The following ABI1 variants were observed in gnomAD, a reference collection of about 807,000 sequenced individuals.
ABI1 encodes the protein abl interactor 1, also known as Abelson interactor 1.
In ABI1, 14 loss-of-function variants were observed where a neutral mutation model predicts 54.6. The observed-to-expected ratio is 0.26, with a 90% confidence interval of 0.17 to 0.40. The LOEUF is 0.40. Among genes scored for constraint, ABI1 ranks in the 10% least tolerant of loss-of-function variants. The pLI, the probability that ABI1 is intolerant of heterozygous loss-of-function variation, is 1.00. For missense variants in ABI1, 443 were observed against 598.3 expected, an observed-to-expected ratio of 0.74 and a Z score of 2.71; for synonymous variants, 194 against 209.3, an observed-to-expected ratio of 0.93 and a Z score of 0.63.
intron 2 of ABI1, among the ~76,000 whole-genome samples, chr10:26,783,394 T>C (rs2133039934): frequency 6.6e-6 from 1 of 152,324 alleles, no homozygotes; most frequent in South Asian, 2.1e-4. Context: ...ATTGTAACTA[T>C]ACTTAACACC....
chr10:26,770,484 A>G, intron 4 of ABI1, 139 bp from the exon 5 acceptor site: 1 of 905,870 alleles, frequency 1.1e-6, no homozygotes, highest in Non-Finnish European at 1.8e-6. Context: ...TTGGTACTAC[A>G]GTTTAAAAAG....
At chr10:26,823,784 T>G (rs183912140) in intron 1 of ABI1, among the ~76,000 whole-genome samples, 28 of 152,218 alleles carry the variant, frequency 1.8e-4, no homozygotes, top group South Asian at 4.1e-4. Context: ...AAAACTACTG[T>G]GAATCTTATG....
chr10:26,825,455 G>A (rs2048251411), intron 1 of ABI1, among the ~76,000 whole-genome samples: 1 of 152,176 alleles, frequency 6.6e-6, no homozygotes, highest in South Asian at 2.1e-4. Context: ...GAGGTCAGGA[G>A]TTCGAGATCA....
chr10:26,830,923 G>GAAGAC (rs2048630287), intron 1 of ABI1, among the ~76,000 whole-genome samples: 1 of 151,954 alleles, frequency 6.6e-6, no homozygotes, highest in Admixed American at 6.6e-5. Flanking sequence ...TAAAGACAGT[G>GAAGAC]TCTTTCTCTG....
In ABI1 at chr10:26,748,713, C is replaced by T; in HGVS notation, c.1303G>A (p.Asp435Asn). ...CCCTCCATAAATGACAGCTCATCAT[C>T]CTTGTCTTTTGTATAATCATATATT... Reference protein sequence around the residue: ...VAIYDYTKDKDDELSFMEGAI... With the variant: ...VAIYDYTKDKNDELSFMEGAI... The change falls in exon 11 of 11, where the codon GAT becomes AAT. Residue 435 changes from aspartate to asparagine, a missense_variant. Around this residue, in one of 2 missense-constraint regions of ABI1, gnomAD observed 49 missense variants for 113.5 expected, o/e 0.43. Coordinates refer to ENST00000376140, the MANE Select transcript of ABI1 (RefSeq NM_001012750.3). 1 of 1,612,908 alleles carries T rather than the reference C, an allele frequency of 6.2e-7. No homozygotes were observed. The highest frequency in any genetic ancestry group is 1.1e-5 in the South Asian group (1 of 91,036).
At chr10:26,812,548 G>C (rs181329202) in intron 2 of ABI1, among the ~76,000 whole-genome samples, 408 of 152,260 alleles carry the variant, frequency 2.7e-3, no homozygotes, top group African/African-American at 9.1e-3. Flanking sequence ...AAAAGTGATA[G>C]TGCTAATGAC....
chr10:26,809,268 CAAA>C (rs201796012), intron 2 of ABI1, among the ~76,000 whole-genome samples: 1 of 133,722 alleles, frequency 7.5e-6, no homozygotes, highest in South Asian at 2.4e-4. Context: ...AGACTTATCT[CAAA>C]AAAAAAAAAA....
rs1844082755 is a variant in ABI1 at position 26,795,818 on chromosome 10, C to T, written c.286-18577G>A. ...TAATATTGTTAAAACAGCCATACTA[C>T]CCAAAGCAATATACAGATTTAACCC... On this transcript the variant is annotated intron_variant, in intron 2 of 10. Transcript: ENST00000376140. Among the ~76,000 whole-genome samples, 4 of 152,114 alleles carry T rather than the reference C, an allele frequency of 2.6e-5. No homozygotes were observed. The South Asian group carries it at 8.3e-4, about 32-fold the overall frequency.
chr10:26,793,379 G>T (rs904689275), intron 2 of ABI1, among the ~76,000 whole-genome samples: 1 of 152,100 alleles, frequency 6.6e-6, no homozygotes, highest in African/African-American at 2.4e-5. Flanking sequence ...AATCAACTTC[G>T]AAGTTAACTT....
chr10:26,838,903 C>G (rs139818499), intron 1 of ABI1, among the ~76,000 whole-genome samples: 1 of 152,154 alleles, frequency 6.6e-6, no homozygotes, highest in Non-Finnish European at 1.5e-5. Flanking sequence ...CACACTGCCT[C>G]CATTTATAAT....
rs552529015 is a variant in ABI1 at position 26,747,035 on chromosome 10, A to AAATT, written c.*1531_*1534dup. 420 of 229,526 alleles carry AAATT rather than the reference A, an allele frequency of 1.8e-3. 1 individual carries two copies. The highest frequency in any genetic ancestry group is 9.1e-3 in the African/African-American group (404 of 44,628). 14.2% of individuals were successfully genotyped at this position (229,526 alleles called of 1,614,324 possible). A position where few individuals can be genotyped will look rare whatever the true frequency, so the allele number is the denominator to read the frequency against. ...TCACTAATGATACTTTGTTTGTTTA[A>AAATT]AATTAACAAAGGCAAAATGCATATG... On this transcript the variant is annotated 3_prime_UTR_variant, in exon 11 of 11. Transcript: ENST00000376140.
At chr10:26,768,810 A>G in intron 6 of ABI1, 42 bp downstream of exon 6, 1 of 1,575,508 alleles carries the variant, frequency 6.3e-7, no homozygotes, top group Non-Finnish European at 8.6e-7. Flanking sequence ...AGTCAGTTAC[A>G]CCCACTTTAG....
intron 1 of ABI1, among the ~76,000 whole-genome samples, chr10:26,859,034 C>T (rs2051083846): frequency 6.6e-6 from 1 of 152,122 alleles, no homozygotes; most frequent in Non-Finnish European, 1.5e-5. Flanking sequence ...AATTTCAAGG[C>T]TTTTCATGTT....
chr10:26,841,948 C>T (rs937980298), intron 1 of ABI1, among the ~76,000 whole-genome samples: 2 of 151,886 alleles, frequency 1.3e-5, no homozygotes, highest in Admixed American at 6.6e-5. Context: ...GGTATATGCC[C>T]GATAAGGAAT....
chr10:26,853,577 G>A (rs2050583435), intron 1 of ABI1, among the ~76,000 whole-genome samples: 1 of 147,712 alleles, frequency 6.8e-6, no homozygotes, highest in South Asian at 2.1e-4. Flanking sequence ...TGTCACCCAG[G>A]CTGCCAGGCT....
rs748104171 is a variant in ABI1 at position 26,755,715 on chromosome 10, T to G, written c.1024A>C (p.Met342Leu). ...SISIAPPPPP[M>L]PQLTPQIPLT... ...GGTATCTGTGGAGTCAACTGAGGCA[T>G]AGGGGGAGGGGGTGGAGCAATAGAA... The change falls in exon 9 of 11, where the codon ATG becomes CTG. Residue 342 changes from methionine to leucine, a missense_variant. By Grantham distance (15) the Met-to-Leu change is conservative. This residue lies in a region of ABI1 where 394 missense variants were observed against 484.8 expected (regional missense o/e 0.81). Coordinates refer to ENST00000376140, the MANE Select transcript of ABI1 (RefSeq NM_001012750.3). The G allele has an allele frequency of 8.1e-6, 13 of 1,612,714 alleles. No homozygotes were observed. The highest frequency in any genetic ancestry group is 1.1e-5 in the Non-Finnish European group (13 of 1,179,248).
chr10:26,798,746 T>C (rs1342513567), intron 2 of ABI1, among the ~76,000 whole-genome samples: 3 of 151,858 alleles, frequency 2.0e-5, no homozygotes, highest in East Asian at 1.9e-4. Context: ...AAAGTATAAA[T>C]AGTCCTGGAC....
chr10:26,778,961 T>C (rs887016459), intron 2 of ABI1, among the ~76,000 whole-genome samples: 2 of 152,188 alleles, frequency 1.3e-5, no homozygotes, highest in Non-Finnish European at 2.9e-5. Flanking sequence ...GGCTGTTTTC[T>C]AGCACAAATG....
rs138884729 is a variant in ABI1 at position 26,747,787 on chromosome 10, CAT to C, written c.*781_*782del. The C allele has an allele frequency of 0.018, 3,488 of 195,348 alleles. 91 individuals are homozygous for C. The highest frequency in any genetic ancestry group is 0.069 in the African/African-American group (2,964 of 43,238). The allele number at this position is 195,348 out of a possible 1,614,324, so 12.1% of individuals were successfully genotyped here. A position where few individuals can be genotyped will look rare whatever the true frequency, so the allele number is the denominator to read the frequency against. On this transcript the variant is annotated 3_prime_UTR_variant, in exon 11 of 11. Coordinates refer to ENST00000376140, the MANE Select transcript of ABI1 (RefSeq NM_001012750.3). ...AGGCTAAAATTTTTTTCCAAGTTAA[CAT>C]ATTGAGAAAATAGAATCATAATTCT... is the stretch of plus-strand genomic sequence containing the variant.
Sources: allele counts gnomAD v4.1 joint callset (sites outside exome capture counted in the v4.1 genomes callset), GRCh38; gene constraint gnomAD v4.1.1; regional missense constraint gnomAD v4.1.1; transcripts MANE v1.5; gene names NCBI Gene and HGNC (gene_info 2026-07-23, HGNC 2026-07-21).